MAF: variants seen among roughly 807,000 people sequenced by gnomAD.
The protein encoded by MAF is transcription factor Maf.
In MAF, 10 loss-of-function variants were observed where a neutral mutation model predicts 22.0. The ratio of observed to expected loss-of-function variants is 0.45; its 90% CI spans 0.28 to 0.77. The LOEUF (loss-of-function observed/expected upper bound fraction) is 0.77, where lower values mean the gene tolerates loss of function less well. Among genes scored for constraint, MAF ranks in the 30% least tolerant of loss-of-function variants. The pLI, the probability that MAF is intolerant of heterozygous loss-of-function variation, is 0.12. For missense variants in MAF, 544 were observed against 548.4 expected, an observed-to-expected ratio of 0.99 and a Z score of 0.08; for synonymous variants, 337 against 255.8, an observed-to-expected ratio of 1.32 and a Z score of -3.03.
At chr16:79,544,302 C>T in the MAF span, among the ~76,000 whole-genome samples, 1 of 152,156 alleles carries the variant, frequency 6.6e-6, no homozygotes, top group Non-Finnish European at 1.5e-5. Flanking sequence ...AGACTCATTT[C>T]AAGTGCTCGG....
chr16:79,448,767 C>A, the MAF span, among the ~76,000 whole-genome samples: 3 of 150,694 alleles, frequency 2.0e-5, no homozygotes, highest in Admixed American at 1.3e-4. Context: ...AAAAAAAAAA[C>A]ACACACAATG....
At chr16:79,568,551 T>C in the MAF span, among the ~76,000 whole-genome samples, 3 of 152,156 alleles carry the variant, frequency 2.0e-5, no homozygotes, top group Admixed American at 2.0e-4. Context: ...AAACATGAGG[T>C]AAAAATTAAA....
At chr16:79,260,701 T>C in the MAF span, among the ~76,000 whole-genome samples, 3,472 of 152,262 alleles carry the variant, frequency 0.023, 145 homozygotes, top group African/African-American at 0.08. Flanking sequence ...CGGTGCCTGA[T>C]AGTCTTAGGT....
At chr16:79,438,230 G>A in the MAF span, among the ~76,000 whole-genome samples, 1 of 152,186 alleles carries the variant, frequency 6.6e-6, no homozygotes, top group Non-Finnish European at 1.5e-5. Context: ...CTGCCCCGCA[G>A]ATTATGTGGT....
chr16:79,532,813 G>C, the MAF span, among the ~76,000 whole-genome samples: 1 of 152,182 alleles, frequency 6.6e-6, no homozygotes, highest in Non-Finnish European at 1.5e-5. Flanking sequence ...AGATATCTTT[G>C]AAGGAGCACA....
chr16:79,283,064 GT>G, the MAF span, among the ~76,000 whole-genome samples: 1 of 152,202 alleles, frequency 6.6e-6, no homozygotes, highest in South Asian at 2.1e-4. Flanking sequence ...CTCCTTGAGG[GT>G]GGGGAATAGG....
chr16:79,310,537 A>G, the MAF span, among the ~76,000 whole-genome samples: 14 of 152,180 alleles, frequency 9.2e-5, no homozygotes, highest in Admixed American at 8.5e-4. Context: ...TTCAGATGGG[A>G]GGACTGCTGT....
chr16:79,446,365 C>G, the MAF span, among the ~76,000 whole-genome samples: 1 of 152,096 alleles, frequency 6.6e-6, no homozygotes, highest in Non-Finnish European at 1.5e-5. Flanking sequence ...CCTGCCTTGC[C>G]TAGCTGGAGT....
the MAF span, among the ~76,000 whole-genome samples, chr16:79,450,178 A>C: frequency 6.6e-6 from 1 of 152,238 alleles, no homozygotes. Context: ...TAACGAGTAA[A>C]GTGTTGTTTA....
At chr16:79,587,202 T>C (rs1274596795) in intron 1 of MAF, among the ~76,000 whole-genome samples, 1 of 152,228 alleles carries the variant, frequency 6.6e-6, no homozygotes, top group Non-Finnish European at 1.5e-5. Context: ...TTTATTCACA[T>C]TTTGTATAGA....
At chr16:79,598,323 C>T (rs1305099405) in intron 1 of MAF, 27 of 1,116,180 alleles carry the variant, frequency 2.4e-5, no homozygotes, top group Non-Finnish European at 3.0e-5. Context: ...AACACCAGTT[C>T]ATGAACTGAA....
chr16:79,569,503 C>G, the MAF span, among the ~76,000 whole-genome samples: 3 of 152,298 alleles, frequency 2.0e-5, no homozygotes, highest in East Asian at 5.8e-4. Context: ...CAAATGTGGT[C>G]CCTGTTCCAA....
At chr16:79,405,151 C>A in the MAF span, among the ~76,000 whole-genome samples, 1 of 152,148 alleles carries the variant, frequency 6.6e-6, no homozygotes, top group Admixed American at 6.5e-5. Flanking sequence ...ATCTAGGAAT[C>A]CATCAGCACT....
chr16:79,565,353 T>C, the MAF span, among the ~76,000 whole-genome samples: 1 of 152,128 alleles, frequency 6.6e-6, no homozygotes, highest in Admixed American at 6.5e-5. Context: ...ACCTAAATGA[T>C]TGACTACCTG....
the MAF span, among the ~76,000 whole-genome samples, chr16:79,404,408 C>T: frequency 3.9e-5 from 6 of 152,062 alleles, no homozygotes; most frequent in Non-Finnish European, 8.8e-5. Context: ...GTGATCTGCC[C>T]GCCTTGGCCT....
chr16:79,415,266 CAAGGAAGG>C, the MAF span, among the ~76,000 whole-genome samples: 1 of 106,356 alleles, frequency 9.4e-6, no homozygotes, highest in African/African-American at 3.7e-5. Context: ...AAGGAAAGAA[CAAGGAAGG>C]AAGGAAGGGA....
At chr16:79,329,744 T>G in the MAF span, among the ~76,000 whole-genome samples, 1 of 152,194 alleles carries the variant, frequency 6.6e-6, no homozygotes, top group Admixed American at 6.5e-5. Context: ...AACTGTACTA[T>G]TCTTATTGAT....
chr16:79,437,846 G>A, the MAF span, among the ~76,000 whole-genome samples: 816 of 152,296 alleles, frequency 5.4e-3, 9 homozygotes, highest in African/African-American at 0.018. Context: ...TGGGAAGGGG[G>A]TTCCCACATG....
At chr16:79,510,777 T>C in the MAF span, among the ~76,000 whole-genome samples, 2 of 152,178 alleles carry the variant, frequency 1.3e-5, no homozygotes, top group Non-Finnish European at 2.9e-5. Flanking sequence ...ACATTTTCAT[T>C]TTGTGTTGGG....
Sources: gnomAD v4.1 joint callset for allele counts (sites outside exome capture counted in the v4.1 genomes callset) on GRCh38, gnomAD v4.1.1 for gene constraint, MANE v1.5 for transcripts, NCBI Gene and HGNC (gene_info 2026-07-23, HGNC 2026-07-21) for gene names.